The following MAPK4 variants were observed in gnomAD, a reference collection of about 807,000 sequenced individuals.
The protein encoded by MAPK4 is mitogen-activated protein kinase 4, also known as Erk3-related.
MAPK4 carries 22 observed loss-of-function variants against 47.7 expected under a neutral mutation model. That is an observed-to-expected ratio of 0.46 (90% CI 0.33 to 0.66). The LOEUF is 0.66. Ranked by LOEUF, MAPK4 falls within the 30% of genes least tolerant of loss-of-function variation. The pLI is 0.02. For missense variants in MAPK4, 736 were observed against 831.7 expected (o/e 0.88, Z 1.42); for synonymous variants, 390 against 365.7 (o/e 1.07, Z -0.76).
rs1429071376 is a variant in MAPK4, at chr18:50,678,964, C to T, written c.546+14460C>T. On this transcript the variant is annotated intron_variant, in intron 2 of 5. Coordinates refer to ENST00000400384, the MANE Select transcript of MAPK4 (RefSeq NM_002747.4). This position sits in a 1 kb window ranked among gnomAD's most constrained non-coding sequence, Gnocchi z 4.2. ...CAGCGTCTTCTGCATACAAATACTA[C>T]CATCTGTAGGAACCATGCAAACTCC... Among the ~76,000 whole-genome samples the T allele has an allele frequency of 6.6e-6, 1 of 152,184 alleles. No individual in the cohort carries two copies. The highest frequency in any genetic ancestry group is 2.4e-5 in the African/African-American group (1 of 41,446).
At chr18:50,703,048 C>T (rs1360043308) in intron 2 of MAPK4, among the ~76,000 whole-genome samples, 2 of 152,050 alleles carry the variant, frequency 1.3e-5, no homozygotes, top group Admixed American at 6.6e-5. Flanking sequence ...TAGTGTGATC[C>T]AAAAAGACCT....
intron 2 of MAPK4, among the ~76,000 whole-genome samples, chr18:50,689,869 G>A (rs1909115040): frequency 6.6e-6 from 1 of 152,184 alleles, no homozygotes; most frequent in Non-Finnish European, 1.5e-5. Context: ...TATTCACTAG[G>A]TAACATCCAA....
At chr18:50,630,585 C>T (rs1269590964) in intron 1 of MAPK4, among the ~76,000 whole-genome samples, 1 of 152,230 alleles carries the variant, frequency 6.6e-6, no homozygotes, top group Non-Finnish European at 1.5e-5. Context: ...CCCAGCTCCT[C>T]TGTCCACAAT....
chr18:50,731,815 T>C lies in MAPK4; in HGVS notation c.*1961T>C, dbSNP rs1911580378. On this transcript the variant is annotated 3_prime_UTR_variant, in exon 6 of 6. Coordinates refer to ENST00000400384, the MANE Select transcript of MAPK4 (RefSeq NM_002747.4). ...TCAGGTCAGGCCAAATAAAGTTTTA[T>C]TGGAACACAGATTTATTTATGTATT... 6.6e-6 allele frequency: 1 copy of C among 152,236 alleles called. No individual in the cohort carries two copies. Among genetic ancestry groups the C allele is most frequent in the East Asian group, 1.9e-4 (1 of 5,206 alleles). 9.4% of individuals were successfully genotyped at this position (152,236 alleles called of 1,614,324 possible).
chr18:50,590,267 A>AT (rs1491108705), intron 1 of MAPK4, among the ~76,000 whole-genome samples: 2 of 152,300 alleles, frequency 1.3e-5, no homozygotes, highest in Admixed American at 6.5e-5. Flanking sequence ...AGAGATACAC[A>AT]TATTTTTTAA....
chr18:50,624,247 T>A (rs2042757007), intron 1 of MAPK4, among the ~76,000 whole-genome samples: 1 of 152,230 alleles, frequency 6.6e-6, no homozygotes, highest in Non-Finnish European at 1.5e-5. Context: ...AATGGATATA[T>A]GAGTATATGG....
intron 1 of MAPK4, among the ~76,000 whole-genome samples, chr18:50,643,001 C>T (rs904665294): frequency 6.6e-6 from 1 of 152,140 alleles, no homozygotes; most frequent in Admixed American, 6.5e-5. Flanking sequence ...ATTTCTCCAC[C>T]CATCAACTTT....
At chr18:50,611,112 C>T (rs143463746) in intron 1 of MAPK4, among the ~76,000 whole-genome samples, 1 of 152,154 alleles carries the variant, frequency 6.6e-6, no homozygotes, top group Admixed American at 6.5e-5. Context: ...ATGAACCCAA[C>T]AAGCAAAGAG....
At chr18:50,693,761 A>AG (rs1203868907) in intron 2 of MAPK4, among the ~76,000 whole-genome samples, 1 of 152,160 alleles carries the variant, frequency 6.6e-6, no homozygotes, top group African/African-American at 2.4e-5. Context: ...TGGTATAGGA[A>AG]GGGTGTGTAT....
At chr18:50,661,996 G>T (rs191436108) in intron 1 of MAPK4, among the ~76,000 whole-genome samples, 3 of 152,200 alleles carry the variant, frequency 2.0e-5, no homozygotes, top group African/African-American at 7.2e-5. Flanking sequence ...CGATCTGATT[G>T]TTTACTATTT....
intron 1 of MAPK4, among the ~76,000 whole-genome samples, chr18:50,647,475 C>T (rs565241431): frequency 1.2e-3 from 178 of 152,220 alleles, no homozygotes; most frequent in South Asian, 7.7e-3. Context: ...AATGAACACC[C>T]GAGGGAGGGG....
At chr18:50,607,555 C>A (rs1010639553) in intron 1 of MAPK4, among the ~76,000 whole-genome samples, 1 of 152,152 alleles carries the variant, frequency 6.6e-6, no homozygotes, top group Non-Finnish European at 1.5e-5. Flanking sequence ...TCCAGAAAAG[C>A]GCTGCTCTGA....
intron 1 of MAPK4, among the ~76,000 whole-genome samples, chr18:50,574,618 CAAAAATCAGG>C (rs2042278904): frequency 6.6e-6 from 1 of 152,020 alleles, no homozygotes; most frequent in African/African-American, 2.4e-5. Context: ...TCAATGCTGG[CAAAAATCAGG>C]TCATGCTAAA....
chr18:50,573,422 A>G (rs953059555), intron 1 of MAPK4, among the ~76,000 whole-genome samples: 1 of 152,202 alleles, frequency 6.6e-6, no homozygotes, highest in African/African-American at 2.4e-5. Flanking sequence ...GCCTCCTGTC[A>G]GAACAGTGGC....
At chr18:50,561,991 C>T (rs992527037) in intron 1 of MAPK4, among the ~76,000 whole-genome samples, 1 of 152,150 alleles carries the variant, frequency 6.6e-6, no homozygotes, top group Non-Finnish European at 1.5e-5. Flanking sequence ...TACTGTCATA[C>T]CGTGCTTAAA....
At chr18:50,672,492 G>A (rs892742993) in intron 2 of MAPK4, among the ~76,000 whole-genome samples, 5 of 152,266 alleles carry the variant, frequency 3.3e-5, no homozygotes, top group African/African-American at 9.6e-5. Context: ...AAAGCTCATT[G>A]TGTTGGCGTT....
intron 2 of MAPK4, among the ~76,000 whole-genome samples, chr18:50,671,069 C>G (rs1907921121): frequency 6.6e-6 from 1 of 152,204 alleles, no homozygotes; most frequent in Non-Finnish European, 1.5e-5. Context: ...ATGAAGGAGA[C>G]TAAGAATGCC....
intron 4 of MAPK4, among the ~76,000 whole-genome samples, chr18:50,725,667 C>T (rs902229059): frequency 1.3e-5 from 2 of 152,192 alleles, no homozygotes; most frequent in African/African-American, 4.8e-5. Flanking sequence ...CTACCTACAA[C>T]CCTAAGCCTT....
chr18:50,679,329 C>T (rs969482334), intron 2 of MAPK4, among the ~76,000 whole-genome samples: 2 of 152,198 alleles, frequency 1.3e-5, no homozygotes, highest in African/African-American at 4.8e-5. Context: ...CTGACTCTAA[C>T]CAATTTGCAA....
Sources: allele counts gnomAD v4.1 joint callset (sites outside exome capture counted in the v4.1 genomes callset), GRCh38; gene constraint gnomAD v4.1.1; non-coding constraint Gnocchi (gnomAD v3.1); transcripts MANE v1.5; gene names NCBI Gene and HGNC (gene_info 2026-07-23, HGNC 2026-07-21).